Variants in SLMAP observed in about 807,000 individuals in gnomAD.
The protein encoded by SLMAP is sarcolemma associated protein, also known as sarcolemmal membrane-associated protein.
In SLMAP, 44 loss-of-function variants were observed where a neutral mutation model predicts 128.8. The ratio of observed to expected loss-of-function variants is 0.34; its 90% CI spans 0.27 to 0.44. The LOEUF is 0.44. Among genes scored for constraint, SLMAP ranks in the 20% least tolerant of loss-of-function variants. The probability of loss-of-function intolerance (pLI) is 1.00; values close to 1 mark genes in which losing one functional copy is unlikely to be tolerated. For synonymous variants in SLMAP, 327 were observed against 348.8 expected, an observed-to-expected ratio of 0.94 and a Z score of 0.70; for missense variants, 787 against 985.3, an observed-to-expected ratio of 0.80 and a Z score of 2.69.
chr3:57,916,776 C>A, intron 21 of SLMAP, 130 bp from the exon 22 acceptor site: 2 of 665,910 alleles, frequency 3.0e-6, no homozygotes, highest in Non-Finnish European at 4.9e-6. Context: ...ATATTTCATT[C>A]TTTTTTATAC....
chr3:57,815,986 C>T (rs1006769880), intron 2 of SLMAP, among the ~76,000 whole-genome samples: 7 of 152,046 alleles, frequency 4.6e-5, no homozygotes, highest in Non-Finnish European at 8.8e-5. Flanking sequence ...ATCCTTTAAC[C>T]TTTACAACAA....
At chr3:57,805,354 T>G (rs2089595853) in intron 2 of SLMAP, among the ~76,000 whole-genome samples, 1 of 152,214 alleles carries the variant, frequency 6.6e-6, no homozygotes, top group African/African-American at 2.4e-5. Flanking sequence ...TGCTTACCTT[T>G]ACTTACTAGA....
At chr3:57,768,361 C>A (rs1163247218) in intron 2 of SLMAP, among the ~76,000 whole-genome samples, 1 of 152,022 alleles carries the variant, frequency 6.6e-6, no homozygotes, top group Admixed American at 6.6e-5. Flanking sequence ...AAGGATTTTC[C>A]AATATAGACT....
chr3:57,922,306 G>A (rs947143080), intron 22 of SLMAP, among the ~76,000 whole-genome samples: 2 of 151,840 alleles, frequency 1.3e-5, no homozygotes, highest in African/African-American at 4.8e-5. Flanking sequence ...TAACTCACTT[G>A]GTGGAAAAGT....
In SLMAP at chr3:57,757,619, C is replaced by T; in HGVS notation, c.-33C>T. On this transcript the variant is annotated 5_prime_UTR_variant, in exon 2 of 25. Transcript: ENST00000671191. ...GGATCCGGAGGAACTCCTCTTTGTC[C>T]CTGGTAGGAGAGACACCCCCAGTCT... is the stretch of plus-strand genomic sequence containing the variant. 5 of 1,608,700 alleles carry T rather than the reference C, an allele frequency of 3.1e-6. No individual in the cohort carries two copies. The highest frequency in any genetic ancestry group is 3.4e-6 in the Non-Finnish European group (4 of 1,176,282).
chr3:57,837,791 C>T (rs2093710011), intron 3 of SLMAP, among the ~76,000 whole-genome samples: 1 of 152,192 alleles, frequency 6.6e-6, no homozygotes, highest in African/African-American at 2.4e-5. Flanking sequence ...AGTATTAGAA[C>T]AAAATATTTT....
Position 57,780,790 on chromosome 3 carries a change from C to A in SLMAP, c.198+22941C>A, listed in dbSNP as rs568303705. On this transcript the variant is annotated intron_variant, in intron 2 of 24. Coordinates refer to ENST00000671191, the MANE Select transcript of SLMAP (RefSeq NM_001377540.1). Reference sequence around the variant, plus strand: ...TTCCTCGTGGCTGGGACTGTAGGCACGCACCACCATGCTTGGCTAATTTTT... The same window carrying A: ...TTCCTCGTGGCTGGGACTGTAGGCAAGCACCACCATGCTTGGCTAATTTTT... Among the ~76,000 whole-genome samples the A allele has an allele frequency of 1.2e-3, 180 of 151,606 alleles. 2 individuals carry two copies. The highest frequency in any genetic ancestry group is 4.1e-3 in the African/African-American group (171 of 41,314).
chr3:57,845,353 G>A (rs1329176776), intron 4 of SLMAP, among the ~76,000 whole-genome samples: 1 of 152,194 alleles, frequency 6.6e-6, no homozygotes, highest in Non-Finnish European at 1.5e-5. Context: ...CAGAAGGGAG[G>A]TGGGTGCTGG....
At chr3:57,761,404 C>G (rs1248078873) in intron 2 of SLMAP, among the ~76,000 whole-genome samples, 1 of 151,988 alleles carries the variant, frequency 6.6e-6, no homozygotes, top group Non-Finnish European at 1.5e-5. Context: ...AAGAGATTCT[C>G]CTACCTCAGC....
chr3:57,913,018 C>A, intron 20 of SLMAP, 140 bp from the exon 21 acceptor site: 1 of 526,510 alleles, frequency 1.9e-6, no homozygotes, highest in Non-Finnish European at 3.4e-6. Flanking sequence ...TAACAGGAAT[C>A]ATATAATTAA....
chr3:57,877,745 A>T (rs780576570), intron 14 of SLMAP, among the ~76,000 whole-genome samples: 24 of 151,706 alleles, frequency 1.6e-4, no homozygotes, highest in Non-Finnish European at 2.9e-4. Context: ...GTTGCTTTTT[A>T]AAAAAGATCT....
chr3:57,906,300 C>CTTTT (rs112949836), intron 17 of SLMAP, among the ~76,000 whole-genome samples: 83 of 71,256 alleles, frequency 1.2e-3, no homozygotes, highest in Non-Finnish European at 1.8e-3. Context: ...AAATTTTTTT[C>CTTTT]TTTTTTTTTC....
At chr3:57,920,522 G>A (rs1360060102) in intron 22 of SLMAP, among the ~76,000 whole-genome samples, 1 of 152,058 alleles carries the variant, frequency 6.6e-6, no homozygotes, top group Non-Finnish European at 1.5e-5. Context: ...ATTCCAAGGT[G>A]TTTACATTTT....
chr3:57,858,505 G>A (rs1322788889), intron 8 of SLMAP, among the ~76,000 whole-genome samples: 1 of 152,080 alleles, frequency 6.6e-6, no homozygotes, highest in African/African-American at 2.4e-5. Flanking sequence ...ATGTGATTTA[G>A]GTTCAGTTTT....
intron 2 of SLMAP, among the ~76,000 whole-genome samples, chr3:57,812,840 C>T (rs1160933448): frequency 9.9e-5 from 15 of 151,018 alleles, no homozygotes; most frequent in Admixed American, 9.9e-4. Flanking sequence ...TTTTTCTTAA[C>T]CCCTTTCCCA....
intron 9 of SLMAP, among the ~76,000 whole-genome samples, chr3:57,861,495 T>C (rs2095060499): frequency 6.6e-6 from 1 of 152,244 alleles, no homozygotes; most frequent in African/African-American, 2.4e-5. Context: ...TTTGTATTGC[T>C]ACCTCATCCC....
rs1230294897 is a variant in SLMAP, at chr3:57,858,163, G to A, written c.687+4G>A. ...CCAATTACAGGCATGCTCCAAAGTA[G>A]GTATTAACCTCAAATGTGTAAAATG... is the stretch of plus-strand genomic sequence containing the variant. On this transcript the variant is annotated splice_donor_region_variant and intron_variant, in intron 8 of 24. Coordinates refer to ENST00000671191, the MANE Select transcript of SLMAP (RefSeq NM_001377540.1). The A allele has an allele frequency of 1.3e-5, 20 of 1,534,398 alleles. No homozygotes were observed. The highest frequency in any genetic ancestry group is 4.1e-5 in the African/African-American group (3 of 73,382).
At chr3:57,926,036 C>A (rs2097001535) in intron 24 of SLMAP, 102 bp downstream of exon 24, 4 of 805,650 alleles carry the variant, frequency 5.0e-6, no homozygotes, top group Non-Finnish European at 8.3e-6. Flanking sequence ...TATTTTGTTA[C>A]CTGAAGCAAA....
At chr3:57,906,566 CT>C (rs2096569971) in intron 17 of SLMAP, among the ~76,000 whole-genome samples, 1 of 148,648 alleles carries the variant, frequency 6.7e-6, no homozygotes, top group South Asian at 2.1e-4. Flanking sequence ...ATCTGCCTGC[CT>C]CAGCCTCCCA....
Sources: gnomAD v4.1 joint callset for allele counts (sites outside exome capture counted in the v4.1 genomes callset) on GRCh38, gnomAD v4.1.1 for gene constraint, MANE v1.5 for transcripts, NCBI Gene and HGNC (gene_info 2026-07-23, HGNC 2026-07-21) for gene names.